The following EFCAB6 variants were observed in gnomAD, a reference collection of about 807,000 sequenced individuals.
EFCAB6 encodes the protein EF-hand calcium binding domain 6, also known as EF-hand calcium-binding domain-containing protein 6.
Under a neutral mutation model 169.8 loss-of-function variants are expected in EFCAB6, and 156 were observed. The observed-to-expected ratio is 0.92, with a 90% CI of 0.81 to 1.05. The LOEUF (loss-of-function observed/expected upper bound fraction) is 1.05. Ranked by LOEUF, EFCAB6 falls within the 50% of genes least tolerant of loss-of-function variation. EFCAB6 has a pLI of 0.00. For synonymous variants in EFCAB6, 698 were observed against 676.4 expected (o/e 1.03, Z -0.50); for missense variants, 1,800 against 1,829.1 (o/e 0.98, Z 0.29).
At chr22:43,732,272 G>C (rs2059980970) in intron 7 of EFCAB6, among the ~76,000 whole-genome samples, 1 of 152,056 alleles carries the variant, frequency 6.6e-6, no homozygotes, top group East Asian at 1.9e-4. Context: ...GGAGGAGCCA[G>C]CAGAGATGAT....
chr22:43,530,595 A>G, intron 31 of EFCAB6: 6 of 985,432 alleles, frequency 6.1e-6, no homozygotes, highest in Non-Finnish European at 7.2e-6. Context: ...GCATCCACGC[A>G]GGGCTCCAGC....
At chr22:43,805,605 C>T (rs1466050545) in intron 2 of EFCAB6, among the ~76,000 whole-genome samples, 1 of 152,022 alleles carries the variant, frequency 6.6e-6, no homozygotes, top group African/African-American at 2.4e-5. Context: ...AATATATGGT[C>T]TGATAGAAGA....
intron 12 of EFCAB6, among the ~76,000 whole-genome samples, chr22:43,683,009 C>T (rs897691769): frequency 1.3e-5 from 2 of 152,146 alleles, no homozygotes; most frequent in African/African-American, 4.8e-5. Context: ...CACCACCCTC[C>T]ACTCCCAGAC....
intron 21 of EFCAB6, among the ~76,000 whole-genome samples, chr22:43,614,558 C>T (rs1266431649): frequency 6.6e-6 from 1 of 152,114 alleles, no homozygotes; most frequent in East Asian, 1.9e-4. Flanking sequence ...TTTAGATGAC[C>T]TTGAGTTTGG....
chr22:43,648,041 C>T (rs1253743242), intron 17 of EFCAB6, among the ~76,000 whole-genome samples: 1 of 152,028 alleles, frequency 6.6e-6, no homozygotes, highest in African/African-American at 2.4e-5. Flanking sequence ...CTAACCCTAA[C>T]CCTATTAGGA....
At chr22:43,643,835 T>C (rs2055967756) in intron 17 of EFCAB6, among the ~76,000 whole-genome samples, 1 of 152,074 alleles carries the variant, frequency 6.6e-6, no homozygotes, top group African/African-American at 2.4e-5. Context: ...GTTCTTTTTT[T>C]TTTTTTGAGA....
intron 2 of EFCAB6, chr22:43,797,237 C>T (rs28728402): frequency 0.11 from 17,205 of 152,738 alleles, 1,208 homozygotes; most frequent in Middle Eastern, 0.2. Flanking sequence ...GGAGGAGGAG[C>T]ATCTCACCTG....
intron 22 of EFCAB6, among the ~76,000 whole-genome samples, chr22:43,606,355 G>A (rs2052918294): frequency 6.6e-6 from 1 of 152,162 alleles, no homozygotes; most frequent in African/African-American, 2.4e-5. Flanking sequence ...CGTTTATCTT[G>A]GTCATCCTCA....
In EFCAB6 at chr22:43,701,669, AT is replaced by A. The variant is rs563480629; in HGVS notation, c.1031+9805del. Among the ~76,000 whole-genome samples the A allele has an allele frequency of 3.1e-4, 47 of 151,774 alleles. No homozygotes were observed. The Middle Eastern group carries it at 0.01, about 33-fold the overall frequency. ...GAAAATAGATTATCTATTTGGAAAA[AT>A]TTTTTTTAATTTGGATACCTGCCTT... On this transcript the variant is annotated intron_variant, in intron 10 of 31. Coordinates refer to ENST00000262726, the MANE Select transcript of EFCAB6 (RefSeq NM_022785.4).
At chr22:43,546,652 C>T (rs1476057537) in intron 27 of EFCAB6, among the ~76,000 whole-genome samples, 1 of 152,102 alleles carries the variant, frequency 6.6e-6, no homozygotes, top group African/African-American at 2.4e-5. Context: ...GGGCAGATCA[C>T]CTGAGGTCAG....
intron 26 of EFCAB6, among the ~76,000 whole-genome samples, chr22:43,556,169 C>A (rs895620632): frequency 6.6e-6 from 1 of 151,660 alleles, no homozygotes; most frequent in Non-Finnish European, 1.5e-5. Context: ...GGGGATGAAG[C>A]GAATGGGGCA....
chr22:43,696,137 A>C (rs1271530839), intron 10 of EFCAB6, among the ~76,000 whole-genome samples: 1 of 152,174 alleles, frequency 6.6e-6, no homozygotes, highest in African/African-American at 2.4e-5. Context: ...ATAAAAATGG[A>C]AAAATGATTT....
At chr22:43,714,345 G>A (rs2059257730) in intron 9 of EFCAB6, among the ~76,000 whole-genome samples, 1 of 151,946 alleles carries the variant, frequency 6.6e-6, no homozygotes, top group Non-Finnish European at 1.5e-5. Context: ...AAGGATAGAA[G>A]GAGGAAGGGA....
In EFCAB6 at chr22:43,580,464, C is replaced by T. The variant is rs754944688; in HGVS notation, c.3228G>A (p.Thr1076=). 26 of 1,613,750 alleles carry T rather than the reference C, an allele frequency of 1.6e-5. No individual in the cohort carries two copies. Among genetic ancestry groups the T allele is most frequent in the South Asian group, 2.2e-5 (2 of 91,034 alleles). ...VVESSQLALS[T]AFSALDKEDT... ...GTAAAGCACTTTCAGCCTGTCATAC[C>T]GTGGACAAAGCCAGCTGGGAGGACT... The change falls in exon 25 of 32, where the codon ACG becomes ACA. Residue 1076 remains threonine, a splice_region_variant and synonymous_variant. Coordinates refer to ENST00000262726, the MANE Select transcript of EFCAB6 (RefSeq NM_022785.4).
intron 26 of EFCAB6, among the ~76,000 whole-genome samples, chr22:43,561,505 C>T (rs1291511694): frequency 6.6e-6 from 1 of 152,116 alleles, no homozygotes; most frequent in Non-Finnish European, 1.5e-5. Flanking sequence ...CTGGGGTCCC[C>T]AGGCCCCATG....
intron 2 of EFCAB6, chr22:43,802,719 A>T (rs543649700): frequency 4.5e-5 from 23 of 506,778 alleles, no homozygotes; most frequent in South Asian, 3.2e-4. Flanking sequence ...CCTGCACAAC[A>T]TGGAGATGCC....
chr22:43,607,051 C>G (rs571101306), intron 22 of EFCAB6, among the ~76,000 whole-genome samples: 1 of 152,140 alleles, frequency 6.6e-6, no homozygotes, highest in Admixed American at 6.5e-5. Flanking sequence ...CTTCCTAAAC[C>G]GCAGCTCTGT....
chr22:43,713,051 T>C (rs981784831), intron 9 of EFCAB6, among the ~76,000 whole-genome samples: 6 of 152,188 alleles, frequency 3.9e-5, no homozygotes, highest in African/African-American at 1.4e-4. Context: ...GTACATCCAT[T>C]TTCCATCTTC....
At chr22:43,635,736 T>C (rs986086542) in intron 17 of EFCAB6, among the ~76,000 whole-genome samples, 20 of 152,178 alleles carry the variant, frequency 1.3e-4, no homozygotes, top group African/African-American at 3.9e-4. Flanking sequence ...CATATGCTAG[T>C]CCACTTGCTG....
Sources: gnomAD v4.1 joint callset for allele counts (sites outside exome capture counted in the v4.1 genomes callset) on GRCh38, gnomAD v4.1.1 for gene constraint, MANE v1.5 for transcripts, NCBI Gene and HGNC (gene_info 2026-07-23, HGNC 2026-07-21) for gene names.